Variants in ARHGEF10 observed in about 807,000 individuals in gnomAD.
ARHGEF10 encodes Rho guanine nucleotide exchange factor (GEF) 10.
A neutral mutation model predicts 147.4 loss-of-function variants in ARHGEF10; 140 were observed. The observed-to-expected ratio is 0.95, with a 90% CI of 0.83 to 1.09. ARHGEF10 has a LOEUF of 1.09. ARHGEF10 is among the 50% of genes least tolerant of loss of function. The pLI is 0.00. For missense variants in ARHGEF10, 2,222 were observed against 1,752.7 expected, an observed-to-expected ratio of 1.27 and a Z score of -4.78; for synonymous variants, 902 against 695.8, an observed-to-expected ratio of 1.30 and a Z score of -4.67.
At position 1,824,008 on chromosome 8, in the gene ARHGEF10, CGGCGGGGAACGGCGGGGGACG is replaced by C. The variant is rs1221856473; in HGVS notation, c.-151_-131del. ...CGGGGGACGCGGGGGACGCGGGGGA[CGGCGGGGAACGGCGGGGGACG>C]GCGGGGAACAGCGGGGGACGGCGGG... On this transcript the variant is annotated 5_prime_UTR_variant, in exon 1 of 29. Transcript: ENST00000349830. 5.8e-4 allele frequency: 40 copies of C among 69,502 alleles called. 1 individual carries two copies. Among genetic ancestry groups the C allele is most frequent in the Admixed American group, 2.3e-3 (13 of 5,702 alleles). The allele number at this position is 69,502 out of a possible 1,614,324, so 4.3% of individuals were successfully genotyped here.
intron 9 of ARHGEF10, among the ~76,000 whole-genome samples, chr8:1,881,700 A>T (rs1261847154): frequency 6.6e-6 from 1 of 152,132 alleles, no homozygotes; most frequent in East Asian, 1.9e-4. Flanking sequence ...TTGGAAGTCC[A>T]GGGCAGGCAG....
chr8:1,920,503 C>T (rs1438646246), intron 18 of ARHGEF10, among the ~76,000 whole-genome samples: 2 of 77,804 alleles, frequency 2.6e-5, no homozygotes, highest in Admixed American at 1.5e-4. Flanking sequence ...TTTTTTTAAA[C>T]TCTATGTTTT....
At chr8:1,954,376 G>T (rs976138564) in intron 28 of ARHGEF10, among the ~76,000 whole-genome samples, 1 of 152,104 alleles carries the variant, frequency 6.6e-6, no homozygotes, top group Non-Finnish European at 1.5e-5. Context: ...CTGTGTCGAC[G>T]TGATGCTGAA....
intron 18 of ARHGEF10, among the ~76,000 whole-genome samples, chr8:1,918,758 G>A (rs1408934024): frequency 2.0e-5 from 3 of 152,176 alleles, no homozygotes; most frequent in Admixed American, 6.5e-5. Context: ...ACTGAAATCT[G>A]TGCACCTGTG....
At chr8:1,901,296 T>C (rs1810438705) in intron 15 of ARHGEF10, among the ~76,000 whole-genome samples, 1 of 152,052 alleles carries the variant, frequency 6.6e-6, no homozygotes, top group South Asian at 2.1e-4. Context: ...ACACCCTCTG[T>C]CCCCTTCCTC....
chr8:1,858,548 C>T (rs541673431), intron 3 of ARHGEF10, among the ~76,000 whole-genome samples: 1 of 152,246 alleles, frequency 6.6e-6, no homozygotes, highest in South Asian at 2.1e-4. Context: ...TAAGAATGAC[C>T]TCATCATTGT....
intron 7 of ARHGEF10, 172 bp from the exon 8 acceptor site, chr8:1,876,399 C>T (rs200607813): frequency 4.1e-5 from 28 of 688,080 alleles, no homozygotes; most frequent in East Asian, 2.4e-4. Flanking sequence ...GTGGTGGAGG[C>T]GCTGCACGGT....
chr8:1,932,440 G>T (rs1387667763), intron 25 of ARHGEF10, among the ~76,000 whole-genome samples: 1 of 152,174 alleles, frequency 6.6e-6, no homozygotes, highest in Non-Finnish European at 1.5e-5. Flanking sequence ...GTGGGTGTGT[G>T]TGCACATGTG....
chr8:1,852,477 C>G (rs1805223527), intron 2 of ARHGEF10, among the ~76,000 whole-genome samples: 1 of 129,614 alleles, frequency 7.7e-6, no homozygotes, highest in African/African-American at 3.0e-5. Context: ...TCTCCATCAT[C>G]CTGGAGAGGA....
In ARHGEF10 at chr8:1,928,495, C is replaced by T. The variant is rs373417964; in HGVS notation, c.2766C>T (p.Val922=). ...CGTTTCAAAATTCCACTCCCAAAGT[C>T]ATTGAGTGCTTCAACGTGGAATCTC... ...IVSFQNSTPK[V]IECFNVESRI... The change falls in exon 24 of 29, where the codon GTC becomes GTT. Residue 922 remains valine (V), a synonymous_variant. Transcript: ENST00000349830. 42 of 1,614,044 alleles carry T rather than the reference C, an allele frequency of 2.6e-5. No homozygotes were observed. The highest frequency in any genetic ancestry group is 1.6e-4 in the Middle Eastern group (1 of 6,084).
At chr8:1,865,529 G>C (rs1806521695) in intron 5 of ARHGEF10, among the ~76,000 whole-genome samples, 1 of 152,044 alleles carries the variant, frequency 6.6e-6, no homozygotes, top group Admixed American at 6.5e-5. Flanking sequence ...GCCGTCACCA[G>C]GACACAGGGC....
chr8:1,914,127 C>G (rs78834451), intron 18 of ARHGEF10, among the ~76,000 whole-genome samples: 408 of 152,338 alleles, frequency 2.7e-3, no homozygotes, highest in African/African-American at 9.1e-3. Flanking sequence ...GACTTACAGT[C>G]TTTAAATAGA....
rs770886055 is a variant in ARHGEF10, at chr8:1,903,278, T to C, written c.1651-3T>C. 29 of 1,613,922 alleles carry C rather than the reference T, an allele frequency of 1.8e-5. No homozygotes were observed. Among genetic ancestry groups the C allele is most frequent in the Admixed American group, 3.3e-5 (2 of 59,994 alleles). On this transcript the variant is annotated splice_region_variant and splice_polypyrimidine_tract_variant and intron_variant, in intron 15 of 28. Coordinates refer to ENST00000349830, the MANE Select transcript of ARHGEF10 (RefSeq NM_014629.4). ...CTGCCCACCTCTCCCCTGTTGCTTG[T>C]AGGACATGCTGAAGAACACCTCCAA...
At chr8:1,893,445 C>A (rs191048677) in intron 11 of ARHGEF10, 124 bp from the exon 12 acceptor site, 11 of 707,080 alleles carry the variant, frequency 1.6e-5, no homozygotes, top group African/African-American at 5.3e-5. Context: ...AATTAGGCTA[C>A]CCTTGTGCAC....
intron 1 of ARHGEF10, among the ~76,000 whole-genome samples, chr8:1,841,022 C>G (rs10105982): frequency 0.39 from 59,355 of 151,904 alleles, 11,914 homozygotes; most frequent in Admixed American, 0.45. Context: ...CACTTGCCCC[C>G]TCTCCCGGCC....
At chr8:1,831,829 C>A (rs1170448047) in intron 1 of ARHGEF10, among the ~76,000 whole-genome samples, 1 of 152,198 alleles carries the variant, frequency 6.6e-6, no homozygotes, top group East Asian at 1.9e-4. Flanking sequence ...TGACAGGCAG[C>A]TTTTTCTCAT....
intron 1 of ARHGEF10, among the ~76,000 whole-genome samples, chr8:1,833,520 C>T (rs1419976955): frequency 1.3e-5 from 2 of 152,198 alleles, no homozygotes. Flanking sequence ...GCCACTGCAT[C>T]CGCCCCAAGC....
At chr8:1,866,916 T>C (rs1392765514) in intron 6 of ARHGEF10, among the ~76,000 whole-genome samples, 11 of 151,840 alleles carry the variant, frequency 7.2e-5, no homozygotes, top group African/African-American at 2.7e-4. Flanking sequence ...CCTGCAGCCA[T>C]GGTCAGCCAC....
intron 27 of ARHGEF10, 88 bp downstream of exon 27, chr8:1,945,743 T>G: frequency 3.3e-6 from 5 of 1,536,286 alleles, no homozygotes; most frequent in African/African-American, 1.4e-5. Flanking sequence ...ACCTTAGCGC[T>G]TCCCAGTGCA....
Sources: gnomAD v4.1 joint callset for allele counts (sites outside exome capture counted in the v4.1 genomes callset) on GRCh38, gnomAD v4.1.1 for gene constraint, MANE v1.5 for transcripts, NCBI Gene and HGNC (gene_info 2026-07-23, HGNC 2026-07-21) for gene names.